The following STK32A variants were observed in gnomAD, a reference collection of about 807,000 sequenced individuals.
STK32A encodes serine/threonine kinase 32A.
STK32A carries 41 observed loss-of-function variants against 53.2 expected under a neutral mutation model. That is an observed-to-expected ratio of 0.77 (90% CI 0.60 to 1.00). The LOEUF is 1.00. Among genes scored for constraint, STK32A ranks in the 50% least tolerant of loss-of-function variants. The pLI, the probability that STK32A is intolerant of heterozygous loss-of-function variation, is 0.00. For synonymous variants in STK32A, 166 were observed against 162.8 expected, an observed-to-expected ratio of 1.02 and a Z score of -0.15; for missense variants, 458 against 485.8, an observed-to-expected ratio of 0.94 and a Z score of 0.54.
At chr5:147,399,268 A>G in the STK32A span, 2 of 1,612,414 alleles carry the variant, frequency 1.2e-6, no homozygotes, top group East Asian at 4.5e-5. Flanking sequence ...GAAATATAAG[A>G]AATTATATCT....
intron 2 of STK32A, among the ~76,000 whole-genome samples, chr5:147,258,170 T>TTTTTTTTTTTTTTTTTTTTTTGAGACG (rs1554099682): frequency 6.8e-6 from 1 of 148,086 alleles, no homozygotes; most frequent in African/African-American, 2.5e-5. Flanking sequence ...TTATAATTTT[T>TTTTTTTTTTTTTTTTTTTTTTGAGACG]GTTAAAGAGC....
intron 8 of STK32A, among the ~76,000 whole-genome samples, chr5:147,368,476 A>G (rs1756867232): frequency 6.6e-6 from 1 of 152,058 alleles, no homozygotes; most frequent in South Asian, 2.1e-4. Flanking sequence ...TATACAGTCT[A>G]TATAATAAAT....
At chr5:147,394,000 TCTTGCTTCTGCCCCTCTCTTTGAGGAAGG>T in the STK32A span, 1 of 1,608,472 alleles carries the variant, frequency 6.2e-7, no homozygotes, top group Non-Finnish European at 8.5e-7. Context: ...AACAATCTCT[TCTTGCTTCTGCCCCTCTCTTTGAGGAAGG>T]CTTGCTTAAC....
chr5:147,366,077 C>T (rs1258089704), intron 8 of STK32A, among the ~76,000 whole-genome samples: 1 of 151,922 alleles, frequency 6.6e-6, no homozygotes, highest in Non-Finnish European at 1.5e-5. Flanking sequence ...CCTTCACAAG[C>T]CTTATCTGCA....
intron 2 of STK32A, among the ~76,000 whole-genome samples, chr5:147,276,777 G>A (rs1755279925): frequency 1.3e-5 from 2 of 152,132 alleles, no homozygotes; most frequent in South Asian, 2.1e-4. Flanking sequence ...TGTTAAGTAC[G>A]TAAACAGCTT....
intron 11 of STK32A, among the ~76,000 whole-genome samples, chr5:147,378,744 G>A (rs553098394): frequency 1.9e-4 from 28 of 149,588 alleles, no homozygotes; most frequent in African/African-American, 5.9e-4. Context: ...TGGTCTATGC[G>A]TCTGTCGTTG....
In STK32A at chr5:147,384,691, A is replaced by G; in HGVS notation, c.*708A>G. On this transcript the variant is annotated 3_prime_UTR_variant, in exon 13 of 13. Transcript: ENST00000397936. ...GCATTTACACCACGGAAACTGGTAAATGCTCGTTTTTTCCCTCCTAACAAG... is the reference window on the plus strand; with the variant it reads ...GCATTTACACCACGGAAACTGGTAAGTGCTCGTTTTTTCCCTCCTAACAAG... 5.1e-6 allele frequency: 2 copies of G among 392,004 alleles called. No individual in the cohort carries two copies. The highest frequency in any genetic ancestry group is 9.1e-6 in the Non-Finnish European group (2 of 220,584). 24.3% of individuals were successfully genotyped at this position (392,004 alleles called of 1,614,324 possible). A position where few individuals can be genotyped will look rare whatever the true frequency, so the allele number is the denominator to read the frequency against.
chr5:147,344,987 G>C (rs1482092213), intron 6 of STK32A, among the ~76,000 whole-genome samples: 1 of 152,048 alleles, frequency 6.6e-6, no homozygotes, highest in Non-Finnish European at 1.5e-5. Flanking sequence ...TCATTTTCTT[G>C]GTGACTTGGT....
At chr5:147,295,488 C>G (rs1393287031) in intron 4 of STK32A, among the ~76,000 whole-genome samples, 1 of 152,202 alleles carries the variant, frequency 6.6e-6, no homozygotes, top group Non-Finnish European at 1.5e-5. Flanking sequence ...GGCACGGTGG[C>G]TTTCATTAAA....
At chr5:147,362,091 T>A (rs940146715) in intron 8 of STK32A, among the ~76,000 whole-genome samples, 2 of 152,168 alleles carry the variant, frequency 1.3e-5, no homozygotes, top group Non-Finnish European at 2.9e-5. Context: ...CATTTCCTTT[T>A]AAAGGAAACA....
chr5:147,258,618 A>G (rs1055215346), intron 2 of STK32A, among the ~76,000 whole-genome samples: 60 of 152,130 alleles, frequency 3.9e-4, no homozygotes, highest in African/African-American at 1.4e-3. Flanking sequence ...TTCTTTAAAC[A>G]ACTAGTTAAT....
chr5:147,383,869 T>G (rs767178650), intron 12 of STK32A, 21 bp from the exon 13 acceptor site: 2 of 1,452,622 alleles, frequency 1.4e-6, no homozygotes, highest in East Asian at 4.7e-5. Context: ...AAAACATCTT[T>G]TTTTTTCTTT....
chr5:147,345,288 G>T (rs1293814816), intron 6 of STK32A, among the ~76,000 whole-genome samples: 3 of 152,006 alleles, frequency 2.0e-5, no homozygotes, highest in Non-Finnish European at 4.4e-5. Context: ...ACTTAATTAG[G>T]GTCATTGTAA....
chr5:147,401,663 C>A, the STK32A span: 1 of 1,614,152 alleles, frequency 6.2e-7, no homozygotes, highest in Non-Finnish European at 8.5e-7. Flanking sequence ...TATGCCGAGG[C>A]TGGCAGTGAT....
intron 4 of STK32A, among the ~76,000 whole-genome samples, chr5:147,294,871 G>C (rs1463241231): frequency 6.6e-6 from 1 of 152,036 alleles, no homozygotes; most frequent in African/African-American, 2.4e-5. Flanking sequence ...TTTTAGGAGA[G>C]ACGGGGTTTC....
chr5:147,262,856 C>T (rs1024799047), intron 2 of STK32A, among the ~76,000 whole-genome samples: 13 of 152,124 alleles, frequency 8.5e-5, no homozygotes, highest in African/African-American at 2.2e-4. Flanking sequence ...AGACCCATGC[C>T]GTAGAACCCT....
intron 5 of STK32A, among the ~76,000 whole-genome samples, chr5:147,338,393 C>T (rs886737027): frequency 6.6e-6 from 1 of 152,164 alleles, no homozygotes; most frequent in Non-Finnish European, 1.5e-5. Flanking sequence ...GTCTGTTAAA[C>T]CTCTTTTTCT....
chr5:147,332,492 C>T (rs1488282283), intron 5 of STK32A, among the ~76,000 whole-genome samples: 1 of 151,896 alleles, frequency 6.6e-6, no homozygotes, highest in Non-Finnish European at 1.5e-5. Flanking sequence ...TATCTGATTA[C>T]TTATATTGTA....
intron 5 of STK32A, among the ~76,000 whole-genome samples, chr5:147,329,555 T>G (rs2151980797): frequency 6.6e-6 from 1 of 152,366 alleles, no homozygotes; most frequent in East Asian, 1.9e-4. Context: ...ATCAAAAGGC[T>G]TTTAAATGTT....
Sources: allele counts gnomAD v4.1 joint callset (sites outside exome capture counted in the v4.1 genomes callset), GRCh38; gene constraint gnomAD v4.1.1; transcripts MANE v1.5; gene names NCBI Gene and HGNC (gene_info 2026-07-23, HGNC 2026-07-21).